PCDHA5: variants seen among roughly 807,000 people sequenced by gnomAD.
PCDHA5 encodes protocadherin alpha 5, also known as protocadherin alpha-5.
Under a neutral mutation model 61.6 loss-of-function variants are expected in PCDHA5, and 43 were observed. That is an observed-to-expected ratio of 0.70 (90% CI 0.55 to 0.90). The LOEUF (loss-of-function observed/expected upper bound fraction) is 0.90, where lower values mean the gene tolerates loss of function less well. PCDHA5 is among the 40% of genes least tolerant of loss of function. PCDHA5 has a pLI of 0.00. For synonymous variants in PCDHA5, 627 were observed against 543.9 expected, an observed-to-expected ratio of 1.15 and a Z score of -2.13; for missense variants, 1,298 against 1,222.7, an observed-to-expected ratio of 1.06 and a Z score of -0.92.
At chr5:140,870,860 C>A (rs782404408) in intron 1 of PCDHA5, 6 of 1,613,882 alleles carry the variant, frequency 3.7e-6, no homozygotes, top group Non-Finnish European at 2.5e-6. Context: ...TCGGTGGGTG[C>A]GGGCCACGTG....
chr5:140,966,052 C>G (rs2095962967), intron 1 of PCDHA5, among the ~76,000 whole-genome samples: 1 of 152,158 alleles, frequency 6.6e-6, no homozygotes, highest in Admixed American at 6.5e-5. Context: ...GCCAGTAACC[C>G]CAGAGCGCCT....
intron 1 of PCDHA5, chr5:140,871,109 T>C: frequency 1.9e-6 from 3 of 1,613,236 alleles, no homozygotes; most frequent in Non-Finnish European, 2.5e-6. Context: ...GTGTCGTTGG[T>C]GGAGAGCGGA....
At chr5:140,999,845 T>G (rs1293721817) in intron 3 of PCDHA5, among the ~76,000 whole-genome samples, 1 of 152,188 alleles carries the variant, frequency 6.6e-6, no homozygotes, top group Non-Finnish European at 1.5e-5. Flanking sequence ...CAAGTGTATT[T>G]ATCTCTTCCG....
intron 1 of PCDHA5, chr5:140,847,470 C>T (rs2150400882): frequency 3.3e-5 from 5 of 149,674 alleles, no homozygotes; most frequent in African/African-American, 1.2e-4. Context: ...TCGACTTGGA[C>T]GTTGGAATAA....
At chr5:140,969,304 C>CA in intron 1 of PCDHA5, 3 of 1,614,160 alleles carry the variant, frequency 1.9e-6, no homozygotes, top group Non-Finnish European at 2.5e-6. Flanking sequence ...TGATTATTCT[C>CA]AAAAATGAGG....
intron 1 of PCDHA5, among the ~76,000 whole-genome samples, chr5:140,890,874 C>T (rs1337922727): frequency 6.6e-6 from 1 of 152,082 alleles, no homozygotes; most frequent in Admixed American, 6.6e-5. Flanking sequence ...CCCCTCTGAC[C>T]TTTCATCAGG....
intron 1 of PCDHA5, chr5:140,968,736 A>G (rs1047961532): frequency 3.1e-6 from 5 of 1,614,098 alleles, no homozygotes; most frequent in East Asian, 2.2e-5. Context: ...AGCACTTTCA[A>G]CCTGACCGTG....
At chr5:140,826,295 T>C (rs936001981) in intron 1 of PCDHA5, among the ~76,000 whole-genome samples, 18 of 152,306 alleles carry the variant, frequency 1.2e-4, no homozygotes, top group African/African-American at 4.1e-4. Context: ...GTCTTTTTTA[T>C]AGGAACCTCT....
At chr5:140,841,887 A>G (rs2150324801) in intron 1 of PCDHA5, 3 of 1,613,824 alleles carry the variant, frequency 1.9e-6, no homozygotes, top group Non-Finnish European at 2.5e-6. Context: ...AACGATGAGA[A>G]TAAACTGGTT....
chr5:140,851,181 A>G, intron 1 of PCDHA5: 2 of 1,246,750 alleles, frequency 1.6e-6, no homozygotes, highest in Middle Eastern at 6.4e-4. Flanking sequence ...ACACTTGAAA[A>G]CCAATTTAGT....
At chr5:141,001,452 A>G (rs2098018922) in intron 3 of PCDHA5, among the ~76,000 whole-genome samples, 1 of 152,196 alleles carries the variant, frequency 6.6e-6, no homozygotes, top group Admixed American at 6.5e-5. Context: ...TCCACTGTCA[A>G]TTGAAGGACT....
intron 1 of PCDHA5, chr5:140,829,247 A>T: frequency 1.2e-6 from 2 of 1,614,250 alleles, no homozygotes; most frequent in Non-Finnish European, 1.7e-6. Context: ...CGGGCAGGTG[A>T]ACTGCTCGCT....
In PCDHA5 at chr5:140,876,715, C is replaced by G. The variant is rs570565884; in HGVS notation, c.2352+52588C>G. 3.1e-5 allele frequency: 50 copies of G among 1,614,234 alleles called. No homozygotes were observed. The highest frequency in any genetic ancestry group is 3.3e-4 in the Middle Eastern group (2 of 6,062). On this transcript the variant is annotated intron_variant, in intron 1 of 3. Coordinates refer to ENST00000529859, the MANE Select transcript of PCDHA5 (RefSeq NM_018908.3). ...GTTGGTGCTGGACAGCGCCCTGGAC[C>G]GCGAGAGCGTGTCGGCCTATGAGCT...
chr5:140,993,203 A>T (rs1563587510), intron 3 of PCDHA5, among the ~76,000 whole-genome samples: 2 of 152,090 alleles, frequency 1.3e-5, no homozygotes, highest in African/African-American at 4.8e-5. Context: ...ACTAAAGCTA[A>T]TTTTTTTAGC....
chr5:140,868,981 G>T, intron 1 of PCDHA5: 1 of 1,492,270 alleles, frequency 6.7e-7, no homozygotes, highest in Non-Finnish European at 9.0e-7. Context: ...CATCATACCG[G>T]ATGCCACCGT....
intron 1 of PCDHA5, among the ~76,000 whole-genome samples, chr5:140,879,327 A>G (rs2057945221): frequency 6.6e-6 from 1 of 152,232 alleles, no homozygotes; most frequent in South Asian, 2.1e-4. Context: ...TCACTTTTTT[A>G]GTTTGTTCAG....
At chr5:140,868,988 C>T in intron 1 of PCDHA5, 1 of 1,506,234 alleles carries the variant, frequency 6.6e-7, no homozygotes, top group Non-Finnish European at 8.9e-7. Context: ...CCGGATGCCA[C>T]CGTTTAAGGA....
intron 1 of PCDHA5, chr5:140,851,076 A>G: frequency 7.5e-7 from 1 of 1,337,516 alleles, no homozygotes; most frequent in Non-Finnish European, 9.8e-7. Flanking sequence ...AGAATTATAA[A>G]CTGTATATTA....
chr5:140,970,473 CA>C (rs1177454514), intron 1 of PCDHA5, among the ~76,000 whole-genome samples: 4 of 151,956 alleles, frequency 2.6e-5, no homozygotes, highest in African/African-American at 9.7e-5. Flanking sequence ...GGTATAAGGC[CA>C]GCTTGTTCAT....
Sources: gnomAD v4.1 joint callset for allele counts (sites outside exome capture counted in the v4.1 genomes callset) on GRCh38, gnomAD v4.1.1 for gene constraint, MANE v1.5 for transcripts, NCBI Gene and HGNC (gene_info 2026-07-23, HGNC 2026-07-21) for gene names.